USH2A: variants seen among roughly 807,000 people sequenced by gnomAD.
USH2A encodes Usher syndrome 2A (autosomal recessive, mild).
Under a neutral mutation model 538.9 loss-of-function variants are expected in USH2A, and 443 were observed. That is an observed-to-expected ratio of 0.82 (90% CI 0.76 to 0.89). The LOEUF is 0.89. Ranked by LOEUF, USH2A falls within the 40% of genes least tolerant of loss-of-function variation. The pLI is 0.00. For synonymous variants in USH2A, 2,413 were observed against 2,273.5 expected (o/e 1.06, Z -1.75); for missense variants, 6,633 against 6,324.8 (o/e 1.05, Z -1.65).
intron 9 of USH2A, among the ~76,000 whole-genome samples, chr1:216,301,029 C>T (rs905773956): frequency 5.9e-5 from 9 of 151,858 alleles, no homozygotes; most frequent in Non-Finnish European, 8.8e-5. Context: ...GGATTACAGG[C>T]GGGAGCCACC....
chr1:216,138,246 C>A (rs1023687668), intron 21 of USH2A, among the ~76,000 whole-genome samples: 5 of 152,078 alleles, frequency 3.3e-5, no homozygotes, highest in African/African-American at 4.8e-5. Flanking sequence ...GGCCTCTTAA[C>A]AAATTGCTGT....
intron 32 of USH2A, among the ~76,000 whole-genome samples, chr1:216,012,904 A>G (rs1571888469): frequency 6.6e-6 from 1 of 151,764 alleles, no homozygotes; most frequent in South Asian, 2.1e-4. Flanking sequence ...CATCCCTACT[A>G]TCTTCTGTCT....
At chr1:215,783,314 G>T (rs573925721) in intron 52 of USH2A, among the ~76,000 whole-genome samples, 1 of 152,204 alleles carries the variant, frequency 6.6e-6, no homozygotes, top group African/African-American at 2.4e-5. Context: ...TAGTATCATA[G>T]AACTTATAAA....
At chr1:215,884,419 A>G (rs1251577949) in intron 41 of USH2A, among the ~76,000 whole-genome samples, 1 of 152,156 alleles carries the variant, frequency 6.6e-6, no homozygotes, top group African/African-American at 2.4e-5. Flanking sequence ...GAAGTAGAGA[A>G]GAACATAGGC....
chr1:215,717,821 C>T (rs1001000634), intron 61 of USH2A, among the ~76,000 whole-genome samples: 1 of 152,088 alleles, frequency 6.6e-6, no homozygotes, highest in Non-Finnish European at 1.5e-5. Flanking sequence ...ATTTTGTTTG[C>T]TGATGTCCAG....
At chr1:216,150,034 A>G (rs140932098) in intron 21 of USH2A, among the ~76,000 whole-genome samples, 3,083 of 152,134 alleles carry the variant, frequency 0.02, 110 homozygotes, top group African/African-American at 0.07. Context: ...CCTTCATTCT[A>G]TTAGGTCTGT....
chr1:216,228,937 G>T, intron 14 of USH2A, among the ~76,000 whole-genome samples: 1 of 149,650 alleles, frequency 6.7e-6, no homozygotes, highest in East Asian at 1.9e-4. Flanking sequence ...ACTTTGGGAG[G>T]CCGAGGTGGG....
chr1:216,224,782 G>C (rs2035528394), intron 14 of USH2A, among the ~76,000 whole-genome samples: 1 of 152,126 alleles, frequency 6.6e-6, no homozygotes, highest in African/African-American at 2.4e-5. Flanking sequence ...AGGAATATGT[G>C]AACCAGGCAG....
intron 43 of USH2A, among the ~76,000 whole-genome samples, chr1:215,875,870 TTA>T (rs561563938): frequency 0.01 from 1,476 of 146,516 alleles, 20 homozygotes; most frequent in African/African-American, 0.034. Context: ...TATATATTAA[TTA>T]TATATATTAT....
intron 11 of USH2A, among the ~76,000 whole-genome samples, chr1:216,258,396 T>C (rs534156540): frequency 6.6e-6 from 1 of 152,226 alleles, no homozygotes; most frequent in South Asian, 2.1e-4. Flanking sequence ...TTAATTATTG[T>C]TACTTTTAAT....
intron 38 of USH2A, among the ~76,000 whole-genome samples, chr1:215,930,293 C>T (rs1055806788): frequency 1.3e-5 from 2 of 151,898 alleles, no homozygotes; most frequent in African/African-American, 4.8e-5. Flanking sequence ...TGGAATTTGT[C>T]ACTAATCATT....
At chr1:215,953,723 T>C (rs999617462) in intron 37 of USH2A, among the ~76,000 whole-genome samples, 1 of 151,902 alleles carries the variant, frequency 6.6e-6, no homozygotes, top group African/African-American at 2.4e-5. Context: ...GGGATCTAAT[T>C]AAACTAAAGA....
intron 3 of USH2A, among the ~76,000 whole-genome samples, chr1:216,367,600 G>A (rs560686118): frequency 6.6e-6 from 1 of 152,110 alleles, no homozygotes; most frequent in Non-Finnish European, 1.5e-5. Context: ...GTGAATTCCA[G>A]AAGGATATTT....
At chr1:216,008,968 C>T (rs528102883) in intron 32 of USH2A, among the ~76,000 whole-genome samples, 1 of 152,014 alleles carries the variant, frequency 6.6e-6, no homozygotes, top group Admixed American at 6.5e-5. Flanking sequence ...GCAAGAAACC[C>T]CCAACCTCTT....
At chr1:215,633,540 C>T (rs1302156329) in intron 70 of USH2A, among the ~76,000 whole-genome samples, 1 of 152,172 alleles carries the variant, frequency 6.6e-6, no homozygotes, top group Non-Finnish European at 1.5e-5. Flanking sequence ...GCTGTGTTCA[C>T]TCACTGCTGT....
In USH2A at chr1:216,353,961, C is replaced by G. The variant is rs374083725; in HGVS notation, c.784+10992G>C. Among the ~76,000 whole-genome samples the G allele has an allele frequency of 9.2e-5, 14 of 152,190 alleles. 1 individual carries two copies. The highest frequency in any genetic ancestry group is 3.9e-4 in the Admixed American group (6 of 15,274). ...ATTGGACGAGACCCAGGGCTACTCCCATACTTAGCTCAGAGGTAAGAAATA... is the reference window on the plus strand; with the variant it reads ...ATTGGACGAGACCCAGGGCTACTCCGATACTTAGCTCAGAGGTAAGAAATA... On this transcript the variant is annotated intron_variant, in intron 4 of 71. Coordinates refer to ENST00000307340, the MANE Select transcript of USH2A (RefSeq NM_206933.4).
intron 20 of USH2A, among the ~76,000 whole-genome samples, chr1:216,188,388 C>T (rs2034649668): frequency 6.6e-6 from 1 of 151,676 alleles, no homozygotes; most frequent in Non-Finnish European, 1.5e-5. Context: ...AAAAGGCAGA[C>T]TAGATCTCAT....
chr1:216,313,314 G>A (rs897621547), intron 9 of USH2A, among the ~76,000 whole-genome samples: 1 of 152,118 alleles, frequency 6.6e-6, no homozygotes, highest in African/African-American at 2.4e-5. Flanking sequence ...GTGGCCCAGG[G>A]GTTGGGGACC....
intron 22 of USH2A, among the ~76,000 whole-genome samples, chr1:216,092,439 T>C (rs964815393): frequency 6.6e-6 from 1 of 152,172 alleles, no homozygotes; most frequent in Non-Finnish European, 1.5e-5. Context: ...AAAATATAAA[T>C]AAATGTAATG....
Sources: gnomAD v4.1 joint callset for allele counts (sites outside exome capture counted in the v4.1 genomes callset) on GRCh38, gnomAD v4.1.1 for gene constraint, MANE v1.5 for transcripts, NCBI Gene and HGNC (gene_info 2026-07-23, HGNC 2026-07-21) for gene names.